The following MEIS2 variants were observed in gnomAD, a reference collection of about 807,000 sequenced individuals.
MEIS2 encodes the protein homeobox protein Meis2.
Under a neutral mutation model 58.6 loss-of-function variants are expected in MEIS2, and 9 were observed. The ratio of observed to expected loss-of-function variants is 0.15; its 90% CI spans 0.09 to 0.27. The LOEUF is 0.27. Among genes scored for constraint, MEIS2 ranks in the 10% least tolerant of loss-of-function variants. MEIS2 has a pLI of 1.00. For synonymous variants in MEIS2, 221 were observed against 228.4 expected (o/e 0.97, Z 0.29); for missense variants, 427 against 635.0 (o/e 0.67, Z 3.52).
chr15:36,911,986 A>T (rs971131548), intron 9 of MEIS2, among the ~76,000 whole-genome samples: 1 of 152,178 alleles, frequency 6.6e-6, no homozygotes, highest in African/African-American at 2.4e-5. Context: ...TCTGAGCCTG[A>T]CCCACTTATT....
chr15:37,080,054 TA>T (rs1217002228), intron 7 of MEIS2, among the ~76,000 whole-genome samples: 5 of 152,126 alleles, frequency 3.3e-5, no homozygotes, highest in Non-Finnish European at 5.9e-5. Flanking sequence ...AAGGCCCCAT[TA>T]CAACGATTTT....
intron 9 of MEIS2, among the ~76,000 whole-genome samples, chr15:36,916,466 T>C (rs1334989899): frequency 1.3e-5 from 2 of 151,568 alleles, no homozygotes; most frequent in South Asian, 4.1e-4. Context: ...GGGTCTCACT[T>C]TTTTGCCCAG....
At chr15:37,040,145 G>A (rs569354793) in intron 7 of MEIS2, among the ~76,000 whole-genome samples, 1 of 151,960 alleles carries the variant, frequency 6.6e-6, no homozygotes, top group Non-Finnish European at 1.5e-5. Flanking sequence ...TGCCAAATGA[G>A]TTTATGTGCT....
rs1595777424 is a variant in MEIS2, at chr15:36,944,014, G to A, written c.977+6310C>T. The stretch of plus-strand genomic sequence containing the variant: ...TGTCTAGAAATGCTGGTCTGACACC[G>A]CAATGGATTGGAGGCACAGCTGCCT... On this transcript the variant is annotated intron_variant, in intron 9 of 11. Coordinates refer to ENST00000561208, the MANE Select transcript of MEIS2 (RefSeq NM_170675.5). Among the ~76,000 whole-genome samples, 5 of 152,164 alleles carry A rather than the reference G, an allele frequency of 3.3e-5. No homozygotes were observed. The South Asian group carries it at 1.0e-3, about 32-fold the overall frequency.
intron 9 of MEIS2, among the ~76,000 whole-genome samples, chr15:36,910,633 T>C (rs1322392747): frequency 1.3e-5 from 2 of 152,216 alleles, no homozygotes; most frequent in Non-Finnish European, 1.5e-5. Context: ...GATTCAGAGA[T>C]GAAGAACCAC....
At chr15:36,936,400 G>T (rs1430798858) in intron 9 of MEIS2, among the ~76,000 whole-genome samples, 1 of 151,866 alleles carries the variant, frequency 6.6e-6, no homozygotes, top group Non-Finnish European at 1.5e-5. Context: ...TTTCACCATG[G>T]TAGCCAGGAT....
intron 11 of MEIS2, 121 bp from the exon 12 acceptor site, chr15:36,892,580 AT>A: frequency 1.1e-6 from 1 of 872,672 alleles, no homozygotes; most frequent in Non-Finnish European, 1.8e-6. Flanking sequence ...TTATACCTAA[AT>A]TTAGCTGCAG....
At chr15:37,079,771 G>T (rs915242205) in intron 7 of MEIS2, among the ~76,000 whole-genome samples, 2 of 152,156 alleles carry the variant, frequency 1.3e-5, no homozygotes, top group Non-Finnish European at 2.9e-5. Context: ...ACAGAGGGAC[G>T]TGGTAGGTGG....
intron 7 of MEIS2, among the ~76,000 whole-genome samples, chr15:37,077,019 T>G (rs1596081590): frequency 6.6e-6 from 1 of 152,254 alleles, no homozygotes; most frequent in South Asian, 2.1e-4. Context: ...GTCACAAATC[T>G]TGGCATTTTT....
chr15:36,920,696 G>A (rs837136), intron 9 of MEIS2, among the ~76,000 whole-genome samples: 133,586 of 152,252 alleles, frequency 0.88, 58,705 homozygotes, highest in East Asian at 0.99. Flanking sequence ...AAGACAGTAG[G>A]AATACAGTCT....
intron 9 of MEIS2, among the ~76,000 whole-genome samples, chr15:36,940,726 A>G (rs967108029): frequency 1.3e-5 from 2 of 152,216 alleles, no homozygotes. Flanking sequence ...TACTCAATAA[A>G]TCATACCTGA....
At chr15:37,036,656 A>G (rs2062166974) in intron 8 of MEIS2, 158 bp downstream of exon 8, 1 of 714,482 alleles carries the variant, frequency 1.4e-6, no homozygotes, top group African/African-American at 1.8e-5. Context: ...GGATGGTAAT[A>G]GTTGATGAAA....
intron 8 of MEIS2, among the ~76,000 whole-genome samples, chr15:36,973,965 A>G (rs2059655993): frequency 6.6e-6 from 1 of 152,178 alleles, no homozygotes; most frequent in African/African-American, 2.4e-5. Flanking sequence ...TTAATTCAGC[A>G]ATATTTCACA....
chr15:37,001,171 GAGA>G (rs1234648164), intron 8 of MEIS2, among the ~76,000 whole-genome samples: 1 of 152,154 alleles, frequency 6.6e-6, no homozygotes, highest in Non-Finnish European at 1.5e-5. Context: ...TCATGACTAA[GAGA>G]AGAAGTATTT....
chr15:36,923,088 T>C (rs1447993308), intron 9 of MEIS2, among the ~76,000 whole-genome samples: 1 of 152,210 alleles, frequency 6.6e-6, no homozygotes, highest in Non-Finnish European at 1.5e-5. Context: ...AGCAATAATA[T>C]GTCACAATTT....
chr15:36,995,989 A>ATGTATATATATATACATATGTG (rs2060493486), intron 8 of MEIS2, among the ~76,000 whole-genome samples: 2 of 50,890 alleles, frequency 3.9e-5, no homozygotes, highest in African/African-American at 1.0e-4. Flanking sequence ...ATATATATAT[A>ATGTATATATATATACATATGTG]TATATATATA....
chr15:36,968,921 A>G (rs1045112319), intron 8 of MEIS2, among the ~76,000 whole-genome samples: 1 of 152,226 alleles, frequency 6.6e-6, no homozygotes, highest in Non-Finnish European at 1.5e-5. Context: ...AAAAGTATCT[A>G]TTGAAGAGAT....
intron 7 of MEIS2, among the ~76,000 whole-genome samples, chr15:37,041,903 A>G (rs1212554003): frequency 1.3e-5 from 2 of 152,210 alleles, no homozygotes; most frequent in Admixed American, 6.5e-5. Flanking sequence ...CAGGCTTGGC[A>G]TGGTGGCTCA....
intron 9 of MEIS2, among the ~76,000 whole-genome samples, chr15:36,905,333 A>G (rs2056677599): frequency 6.6e-6 from 1 of 152,144 alleles, no homozygotes; most frequent in African/African-American, 2.4e-5. Flanking sequence ...TCTCACTTCT[A>G]TTATACTCAA....
Sources: allele counts gnomAD v4.1 joint callset (sites outside exome capture counted in the v4.1 genomes callset), GRCh38; gene constraint gnomAD v4.1.1; transcripts MANE v1.5; gene names NCBI Gene and HGNC (gene_info 2026-07-23, HGNC 2026-07-21).